RCAN1: variants seen among roughly 807,000 people sequenced by gnomAD.
The protein encoded by RCAN1 is calcipressin-1.
RCAN1 carries 11 observed loss-of-function variants against 22.9 expected under a neutral mutation model. The ratio of observed to expected loss-of-function variants is 0.48; its 90% CI spans 0.30 to 0.79. The LOEUF is 0.79. Among genes scored for constraint, RCAN1 ranks in the 30% least tolerant of loss-of-function variants. The pLI, the probability that RCAN1 is intolerant of heterozygous loss-of-function variation, is 0.06. For synonymous variants in RCAN1, 136 were observed against 142.3 expected (o/e 0.96, Z 0.32); for missense variants, 291 against 337.8 (o/e 0.86, Z 1.09).
chr21:34,567,813 T>C (rs1355529589), intron 1 of RCAN1, among the ~76,000 whole-genome samples: 1 of 152,106 alleles, frequency 6.6e-6, no homozygotes, highest in African/African-American at 2.4e-5. Flanking sequence ...AATCGCAACA[T>C]AAGAGGAAAA....
chr21:34,567,534 G>C (rs2123676910), intron 1 of RCAN1, among the ~76,000 whole-genome samples: 1 of 144,422 alleles, frequency 6.9e-6, no homozygotes, highest in South Asian at 2.2e-4. Flanking sequence ...CAGCCTGGAA[G>C]ACAGAGTGAG....
At chr21:34,602,862 T>G (rs1187849673) in intron 1 of RCAN1, among the ~76,000 whole-genome samples, 1 of 152,172 alleles carries the variant, frequency 6.6e-6, no homozygotes. Flanking sequence ...CATATTCTTT[T>G]CATAATAATG....
intron 1 of RCAN1, among the ~76,000 whole-genome samples, chr21:34,549,181 C>T (rs1284234511): frequency 6.6e-6 from 1 of 152,104 alleles, no homozygotes; most frequent in East Asian, 1.9e-4. Context: ...AGCATGTGTG[C>T]TTTGTTTGGG....
At chr21:34,526,614 CA>C in intron 1 of RCAN1, 2 of 1,575,196 alleles carry the variant, frequency 1.3e-6, no homozygotes, top group Non-Finnish European at 1.7e-6. Flanking sequence ...TCCCAGTTAG[CA>C]TAATGCTTTG....
Position 34,563,769 on chromosome 21 carries a change from AAATAT to A in RCAN1, c.253-40064_253-40060del, listed in dbSNP as rs1241991597. 3.8e-3 allele frequency among the ~76,000 whole-genome samples: 321 copies of A among 84,800 alleles called. 1 individual carries two copies. Among genetic ancestry groups the A allele is most frequent in the African/African-American group, 0.015 (300 of 19,364 alleles). The allele number at this position is 84,800 out of a possible 152,430, so 55.6% of individuals were successfully genotyped here. On this transcript the variant is annotated intron_variant, in intron 1 of 3. Transcript: ENST00000313806. ...CTAAAAATACCAAAAAAAAAAAAAA[AAATAT>A]ATATATATATATATATATATAGAGA... is the stretch of plus-strand genomic sequence containing the variant.
At chr21:34,586,388 T>TAA (rs11347653) in intron 1 of RCAN1, among the ~76,000 whole-genome samples, 1 of 149,730 alleles carries the variant, frequency 6.7e-6, no homozygotes, top group Admixed American at 6.6e-5. Flanking sequence ...TCAATAACAT[T>TAA]AAAAAAAAAA....
At chr21:34,523,422 C>G in intron 2 of RCAN1, 115 bp downstream of exon 2, 1 of 984,494 alleles carries the variant, frequency 1.0e-6, no homozygotes, top group African/African-American at 1.6e-5. Context: ...TTGTCTTTCT[C>G]AAGGTGAAGT....
chr21:34,585,979 G>T (rs1041631262), intron 1 of RCAN1, among the ~76,000 whole-genome samples: 2 of 152,054 alleles, frequency 1.3e-5, no homozygotes, highest in Non-Finnish European at 1.5e-5. Flanking sequence ...GGGTCAATTT[G>T]CCAGGCTGAT....
chr21:34,608,755 T>C (rs767259257), intron 1 of RCAN1, among the ~76,000 whole-genome samples: 26 of 152,196 alleles, frequency 1.7e-4, no homozygotes, highest in Non-Finnish European at 2.8e-4. Flanking sequence ...ACCTATATTG[T>C]ATATACAGAC....
At chr21:34,602,317 C>T (rs1326567795) in intron 1 of RCAN1, among the ~76,000 whole-genome samples, 1 of 152,200 alleles carries the variant, frequency 6.6e-6, no homozygotes, top group Non-Finnish European at 1.5e-5. Flanking sequence ...ATAACCACCC[C>T]TTTCACTAAA....
intron 1 of RCAN1, among the ~76,000 whole-genome samples, chr21:34,551,644 A>G (rs1986371448): frequency 2.0e-5 from 3 of 152,136 alleles, no homozygotes; most frequent in South Asian, 4.1e-4. Context: ...CTTTAAGTCA[A>G]TCTTAAAGAA....
intron 1 of RCAN1, among the ~76,000 whole-genome samples, chr21:34,594,272 G>A (rs1328213035): frequency 6.6e-6 from 1 of 152,158 alleles, no homozygotes; most frequent in African/African-American, 2.4e-5. Context: ...AAGAAGGGTG[G>A]GCCGGGCGCG....
At chr21:34,554,873 C>G (rs1986497666) in intron 1 of RCAN1, among the ~76,000 whole-genome samples, 1 of 152,186 alleles carries the variant, frequency 6.6e-6, no homozygotes, top group Non-Finnish European at 1.5e-5. Context: ...AGAGCTTGTG[C>G]AGGGAAACTC....
chr21:34,520,739 C>T (rs1181873324), intron 3 of RCAN1, among the ~76,000 whole-genome samples: 1 of 152,150 alleles, frequency 6.6e-6, no homozygotes, highest in African/African-American at 2.4e-5. Context: ...GGACAGGAAC[C>T]ACCAACATTT....
chr21:34,567,289 A>G (rs576777104), intron 1 of RCAN1, among the ~76,000 whole-genome samples: 80 of 152,260 alleles, frequency 5.3e-4, no homozygotes, highest in Admixed American at 9.2e-4. Context: ...AGGTCAGGAG[A>G]ATCGAGACCA....
intron 1 of RCAN1, among the ~76,000 whole-genome samples, chr21:34,529,364 G>T (rs1432771384): frequency 6.6e-6 from 1 of 152,188 alleles, no homozygotes; most frequent in Non-Finnish European, 1.5e-5. Context: ...AGTGGCACTT[G>T]GACACTCTGG....
intron 1 of RCAN1, among the ~76,000 whole-genome samples, chr21:34,529,766 G>A (rs988849456): frequency 6.6e-6 from 1 of 152,146 alleles, no homozygotes; most frequent in African/African-American, 2.4e-5. Flanking sequence ...GTTGGGCTGT[G>A]TCCCCACCAA....
chr21:34,606,684 GT>G (rs1201439496), intron 1 of RCAN1, among the ~76,000 whole-genome samples: 1 of 152,150 alleles, frequency 6.6e-6, no homozygotes, highest in Non-Finnish European at 1.5e-5. Flanking sequence ...GGTCAGAAGG[GT>G]GGGGCCCTAA....
intron 1 of RCAN1, among the ~76,000 whole-genome samples, chr21:34,591,393 C>T (rs1987968266): frequency 6.6e-6 from 1 of 152,118 alleles, no homozygotes; most frequent in Admixed American, 6.6e-5. Context: ...AGTGAGGAGC[C>T]AAGACCTAAC....
Sources: gnomAD v4.1 joint callset for allele counts (sites outside exome capture counted in the v4.1 genomes callset) on GRCh38, gnomAD v4.1.1 for gene constraint, MANE v1.5 for transcripts, NCBI Gene and HGNC (gene_info 2026-07-23, HGNC 2026-07-21) for gene names.